Variants in CCL3 observed in about 807,000 individuals in gnomAD.
The protein encoded by CCL3 is C-C motif chemokine ligand 3.
In CCL3, 6 loss-of-function variants were observed where a neutral mutation model predicts 8.1. The ratio of observed to expected loss-of-function variants is 0.74; its 90% CI spans 0.41 to 1.46. The LOEUF (loss-of-function observed/expected upper bound fraction) is 1.46, where lower values mean the gene tolerates loss of function less well. Ranked by LOEUF, CCL3 falls within the 40% of genes most tolerant of loss-of-function variation. The pLI, the probability that CCL3 is intolerant of heterozygous loss-of-function variation, is 0.02. For synonymous variants in CCL3, 45 were observed against 45.1 expected (o/e 1.00, Z 0.01); for missense variants, 109 against 117.7 (o/e 0.93, Z 0.34).
intron 2 of CCL3, 133 bp downstream of exon 2, chr17:36,089,050 C>T (rs2067015960): frequency 5.0e-6 from 6 of 1,202,950 alleles, no homozygotes; most frequent in East Asian, 2.4e-5. Flanking sequence ...GGTCACACCT[C>T]GGAGCCCTGC....
At chr17:36,088,953 G>A (rs1190697780) in intron 2 of CCL3, among the ~76,000 whole-genome samples, 191 bp from the exon 3 acceptor site, 3 of 152,144 alleles carry the variant, frequency 2.0e-5, no homozygotes, top group Non-Finnish European at 4.4e-5. Context: ...AGAGTGTCCC[G>A]CTGCCTCCTT....
chr17:36,089,813 C>T (rs2067027789), intron 1 of CCL3, 173 bp downstream of exon 1: 5 of 746,218 alleles, frequency 6.7e-6, no homozygotes, highest in Admixed American at 6.0e-5. Context: ...GACTAGGGGG[C>T]TAAGACCCCT....
At chr17:36,088,923 A>G (rs1479883203) in intron 2 of CCL3, among the ~76,000 whole-genome samples, 161 bp from the exon 3 acceptor site, 1 of 151,232 alleles carries the variant, frequency 6.6e-6, no homozygotes, top group Non-Finnish European at 1.5e-5. Flanking sequence ...TCTCTCAGTG[A>G]CTCAGTAGGG....
Position 36,088,706 on chromosome 17 carries a change from T to C in CCL3, c.245A>G (p.Gln82Arg), listed in dbSNP as rs1598811502. The change falls in exon 3 of 3, where the codon CAG (glutamine) becomes CGG (arginine). Residue 82 changes from glutamine (Q) to arginine (R), a missense_variant. Physicochemically the swap from Gln to Arg is conservative, Grantham distance 43. Transcript: ENST00000613922. Reference sequence around the variant, plus strand: ...CAGCTCCAGGTCGCTGACATATTTCTGGACCCACTCCTCACTGGGGTCAGC... The same window carrying C: ...CAGCTCCAGGTCGCTGACATATTTCCGGACCCACTCCTCACTGGGGTCAGC... ...VCADPSEEWV[Q>R]KYVSDLELSA The C allele has an allele frequency of 6.2e-7, 1 of 1,613,772 alleles. No individual in the cohort carries two copies. The highest frequency in any genetic ancestry group is 8.5e-7 in the Non-Finnish European group (1 of 1,179,868).
At chr17:36,089,740 T>C in intron 1 of CCL3, 2 of 705,256 alleles carry the variant, frequency 2.8e-6, no homozygotes, top group Admixed American at 2.0e-5. Context: ...TTTCGAACCC[T>C]GTTTTTCTAT....
Position 36,088,375 on chromosome 17 carries a change from G to A in CCL3, c.*297C>T, listed in dbSNP as rs2067004553. On this transcript the variant is annotated 3_prime_UTR_variant, in exon 3 of 3. Coordinates refer to ENST00000613922, the MANE Select transcript of CCL3 (RefSeq NM_002983.3). ...GGTGCCATGACTGCCTACACAGGCT[G>A]ATGACAGCCACTCGGTTGTCACCAG... 9.0e-6 allele frequency: 4 copies of A among 441,994 alleles called. No homozygotes were observed. Among genetic ancestry groups the A allele is most frequent in the African/African-American group, 4.0e-5 (2 of 50,202 alleles). 27.4% of individuals were successfully genotyped at this position (441,994 alleles called of 1,614,324 possible). A position where few individuals can be genotyped will look rare whatever the true frequency, so the allele number is the denominator to read the frequency against.
chr17:36,089,679 C>T, intron 1 of CCL3: 1 of 665,158 alleles, frequency 1.5e-6, no homozygotes, highest in South Asian at 1.5e-5. Context: ...GAACAACATA[C>T]CCCACTGGGA....
intron 2 of CCL3, 119 bp downstream of exon 2, chr17:36,089,064 C>T: frequency 1.5e-6 from 2 of 1,335,400 alleles, no homozygotes; most frequent in Non-Finnish European, 2.1e-6. Context: ...GCCCTGCGTC[C>T]TGTATCCCCG....
intron 1 of CCL3, chr17:36,089,591 C>T (rs1459586971): frequency 3.3e-6 from 2 of 605,866 alleles, no homozygotes; most frequent in South Asian, 3.8e-5. Flanking sequence ...ATACCCCAAC[C>T]CAAGAGAAGC....
At chr17:36,089,830 G>A in intron 1 of CCL3, 156 bp downstream of exon 1, 1 of 788,228 alleles carries the variant, frequency 1.3e-6, no homozygotes, top group Non-Finnish European at 2.2e-6. Context: ...CCCTTCTAGA[G>A]ATAAAAATAA....
Position 36,090,030 on chromosome 17 carries a change from A to G in CCL3, c.29T>C (p.Val10Ala), listed in dbSNP as rs1372983578. ...GCAGAGAGCCATGGTGCAGAGGAGGACAGCAAGGGCAGCAGTGGAGACCTG... is the reference window on the plus strand; with the variant it reads ...GCAGAGAGCCATGGTGCAGAGGAGGGCAGCAAGGGCAGCAGTGGAGACCTG... The part of the protein sequence containing the change: MQVSTAALA[V>A]LLCTMALCNQ... Residue 10 changes from valine (V) to alanine (A), a missense_variant, in exon 1 of 3, where the codon GTC (valine) becomes GCC (alanine). Val to Ala is a moderately conservative substitution (Grantham distance 64). Coordinates refer to ENST00000613922, the MANE Select transcript of CCL3 (RefSeq NM_002983.3). The G allele has an allele frequency of 1.2e-6, 2 of 1,613,754 alleles. No individual in the cohort carries two copies. Among genetic ancestry groups the G allele is most frequent in the Admixed American group, 3.3e-5 (2 of 60,024 alleles).
Position 36,089,974 on chromosome 17 carries a change from A to G in CCL3, c.73+12T>C. The stretch of plus-strand genomic sequence containing the variant: ...AGAGAGTGGTGATACCCACAACGAA[A>G]CTCAGACTCACGTGATGCAGAGAAC... On this transcript the variant is annotated intron_variant, in intron 1 of 2. Coordinates refer to ENST00000613922, the MANE Select transcript of CCL3 (RefSeq NM_002983.3). The G allele has an allele frequency of 1.2e-6, 2 of 1,613,084 alleles. No individual in the cohort carries two copies. The highest frequency in any genetic ancestry group is 1.7e-6 in the Non-Finnish European group (2 of 1,179,116).
At chr17:36,089,669 G>A (rs1370928674) in intron 1 of CCL3, 2 of 660,650 alleles carry the variant, frequency 3.0e-6, no homozygotes, top group South Asian at 1.5e-5. Flanking sequence ...GCTGGAGAGT[G>A]AACAACATAC....
At position 36,088,730 on chromosome 17, in the gene CCL3, G is replaced by A; in HGVS notation, c.221C>T (p.Ala74Val). ...FLTKRSRQVCADPSEEWVQKY... is the reference protein window; with the variant it reads ...FLTKRSRQVCVDPSEEWVQKY... ...CTGGACCCACTCCTCACTGGGGTCA[G>A]CACAGACCTGCCGGCTTCGCTTGGT... Residue 74 changes from alanine to valine, a missense_variant, in exon 3 of 3, where the codon GCT becomes GTT. Coordinates refer to ENST00000613922, the MANE Select transcript of CCL3 (RefSeq NM_002983.3). 1 of 1,613,890 alleles carries A rather than the reference G, an allele frequency of 6.2e-7. No homozygotes were observed. The highest frequency in any genetic ancestry group is 1.3e-5 in the African/African-American group (1 of 75,024).
At chr17:36,088,903 C>A in intron 2 of CCL3, 141 bp from the exon 3 acceptor site, 2 of 1,130,882 alleles carry the variant, frequency 1.8e-6, no homozygotes, top group Non-Finnish European at 2.7e-6. Context: ...CTATCTCTGT[C>A]TAGAGAGCTT....
chr17:36,089,610 T>C (rs1310197660), intron 1 of CCL3: 13 of 609,700 alleles, frequency 2.1e-5, no homozygotes, highest in East Asian at 9.0e-5. Context: ...GCCTTGGACA[T>C]CTCTCATAAG....
intron 1 of CCL3, 56 bp from the exon 2 acceptor site, chr17:36,089,353 C>T: frequency 6.2e-7 from 1 of 1,609,850 alleles, no homozygotes. Context: ...AAAGGCCAGG[C>T]AGCTTCTGAT....
At position 36,088,679 on chromosome 17, in the gene CCL3, C is replaced by T; in HGVS notation, c.272G>A (p.Ser91Asn). 6.2e-7 allele frequency: 1 copy of T among 1,613,438 alleles called. No individual in the cohort carries two copies. Among genetic ancestry groups the T allele is most frequent in the East Asian group, 2.2e-5 (1 of 44,874 alleles). Residue 91 changes from serine (S) to asparagine (N), a missense_variant, in exon 3 of 3, where the codon AGT becomes AAT. Physicochemically the swap from Ser to Asn is conservative, Grantham distance 46. Coordinates refer to ENST00000613922, the MANE Select transcript of CCL3 (RefSeq NM_002983.3). ...TCGAAGCTTCTGGACCCCTCAGGCA[C>T]TCAGCTCCAGGTCGCTGACATATTT... is the stretch of plus-strand genomic sequence containing the variant. ...VQKYVSDLELSA is the reference protein window; with the variant it reads ...VQKYVSDLELNA
chr17:36,089,080 C>T (rs2067016424), intron 2 of CCL3, 103 bp downstream of exon 2: 1 of 1,449,960 alleles, frequency 6.9e-7, no homozygotes, highest in African/African-American at 1.4e-5. Context: ...CCCCGATAGG[C>T]TCCTGAAGGC....
Sources: gnomAD v4.1 joint callset for allele counts (sites outside exome capture counted in the v4.1 genomes callset) on GRCh38, gnomAD v4.1.1 for gene constraint, MANE v1.5 for transcripts, NCBI Gene and HGNC (gene_info 2026-07-23, HGNC 2026-07-21) for gene names.